Variants in CLEC9A observed in about 807,000 individuals in gnomAD.
The protein encoded by CLEC9A is C-type lectin domain containing 9A.
CLEC9A carries 24 observed loss-of-function variants against 30.0 expected under a neutral mutation model. That is an observed-to-expected ratio of 0.80 (90% CI 0.58 to 1.13). The LOEUF is 1.13. Among genes scored for constraint, CLEC9A ranks in the 50% most tolerant of loss-of-function variants. The pLI, the probability that CLEC9A is intolerant of heterozygous loss-of-function variation, is 0.00. For synonymous variants in CLEC9A, 111 were observed against 96.8 expected (o/e 1.15, Z -0.86); for missense variants, 251 against 280.9 (o/e 0.89, Z 0.76).
At chr12:10,050,035 G>T (rs1306840006) in intron 2 of CLEC9A, among the ~76,000 whole-genome samples, 3 of 152,072 alleles carry the variant, frequency 2.0e-5, no homozygotes, top group African/African-American at 7.2e-5. Flanking sequence ...ATTATTAATT[G>T]ACCTATTTTT....
chr12:10,052,962 T>A (rs1222405185), intron 4 of CLEC9A, 184 bp downstream of exon 4: 1 of 572,200 alleles, frequency 1.7e-6, no homozygotes. Context: ...AAGAGAGCAA[T>A]ACACGTGATA....
chr12:10,040,946 TC>T, intron 1 of CLEC9A: 1 of 195,818 alleles, frequency 5.1e-6, no homozygotes, highest in Non-Finnish European at 1.1e-5. Context: ...AATAAAACAA[TC>T]AGAACAAAAG....
intron 4 of CLEC9A, among the ~76,000 whole-genome samples, chr12:10,053,787 A>C (rs1865916126): frequency 6.6e-6 from 1 of 152,160 alleles, no homozygotes; most frequent in Non-Finnish European, 1.5e-5. Context: ...TTACCTTGGA[A>C]AACTTGTTCG....
At chr12:10,050,090 G>C (rs1249974050) in intron 2 of CLEC9A, among the ~76,000 whole-genome samples, 1 of 152,134 alleles carries the variant, frequency 6.6e-6, no homozygotes, top group African/African-American at 2.4e-5. Context: ...CAAGGAAAAG[G>C]TACAGAGATG....
chr12:10,064,434 G>T (rs1054520831), intron 7 of CLEC9A, among the ~76,000 whole-genome samples: 2 of 152,082 alleles, frequency 1.3e-5, no homozygotes, highest in African/African-American at 4.8e-5. Flanking sequence ...GATAACGAAG[G>T]TTCAGTATAA....
At chr12:10,063,490 G>A (rs957945480) in intron 7 of CLEC9A, among the ~76,000 whole-genome samples, 1 of 152,134 alleles carries the variant, frequency 6.6e-6, no homozygotes, top group Non-Finnish European at 1.5e-5. Context: ...CTATTTTGTA[G>A]CATGATAATC....
At chr12:10,039,900 G>A (rs142898895) in intron 1 of CLEC9A, among the ~76,000 whole-genome samples, 1 of 152,008 alleles carries the variant, frequency 6.6e-6, no homozygotes, top group African/African-American at 2.4e-5. Flanking sequence ...TTGGCTCACT[G>A]CAAACTCTAC....
chr12:10,061,050 G>C, intron 5 of CLEC9A, 77 bp from the exon 6 acceptor site: 6 of 1,484,618 alleles, frequency 4.0e-6, no homozygotes, highest in Non-Finnish European at 5.4e-6. Context: ...ATTTGTACTT[G>C]TCTTTAGTCT....
At chr12:10,037,821 T>A (rs1865756409) in intron 1 of CLEC9A, among the ~76,000 whole-genome samples, 2 of 152,182 alleles carry the variant, frequency 1.3e-5, no homozygotes, top group South Asian at 2.1e-4. Flanking sequence ...AGGACAAAAA[T>A]TTTATTATCA....
At chr12:10,037,646 G>A (rs1000437511) in intron 1 of CLEC9A, among the ~76,000 whole-genome samples, 7 of 152,176 alleles carry the variant, frequency 4.6e-5, no homozygotes, top group African/African-American at 1.4e-4. Flanking sequence ...CAAACACGGG[G>A]AGACCGTGCA....
chr12:10,056,379 A>T (rs998384770), intron 5 of CLEC9A, among the ~76,000 whole-genome samples: 3 of 152,192 alleles, frequency 2.0e-5, no homozygotes, highest in Non-Finnish European at 1.5e-5. Context: ...ACCTTGAAGC[A>T]AGAACAACAA....
intron 2 of CLEC9A, among the ~76,000 whole-genome samples, chr12:10,048,162 A>G (rs891574915): frequency 2.0e-5 from 3 of 150,216 alleles, no homozygotes; most frequent in East Asian, 1.9e-4. Flanking sequence ...GAACCCGGGA[A>G]GCGGAGCTTG....
chr12:10,034,830 C>A (rs1011117098), intron 1 of CLEC9A, among the ~76,000 whole-genome samples: 1 of 152,156 alleles, frequency 6.6e-6, no homozygotes, highest in African/African-American at 2.4e-5. Context: ...TTACAGGGTG[C>A]TCTTTTAGTT....
At chr12:10,055,931 C>T (rs1865938658) in intron 5 of CLEC9A, among the ~76,000 whole-genome samples, 1 of 151,040 alleles carries the variant, frequency 6.6e-6, no homozygotes, top group South Asian at 2.1e-4. Flanking sequence ...TGGTGGGGTG[C>T]GCCTGTAATC....
At chr12:10,044,989 T>C (rs1332908187) in intron 2 of CLEC9A, among the ~76,000 whole-genome samples, 2 of 152,234 alleles carry the variant, frequency 1.3e-5, no homozygotes, top group Non-Finnish European at 2.9e-5. Flanking sequence ...TACAGCATGC[T>C]GTCTTAGATC....
At position 10,065,623 on chromosome 12, in the gene CLEC9A, C is replaced by T; in HGVS notation, c.717C>T (p.Ser239=). The change falls in exon 9 of 9, where the codon TCC becomes TCT. Residue 239 remains serine, a synonymous_variant. Transcript: ENST00000355819. ...YFICEKYALR[S]SV is the part of the protein sequence containing the mutation. ...TCTGTGAGAAGTATGCGTTGAGATC[C>T]TCTGTCTGAAAGAAATTGTGTTCAA... 6.2e-7 allele frequency: 1 copy of T among 1,613,642 alleles called. No homozygotes were observed. The highest frequency in any genetic ancestry group is 8.5e-7 in the Non-Finnish European group (1 of 1,179,730).
chr12:10,053,841 T>C (rs1865916650), intron 4 of CLEC9A, among the ~76,000 whole-genome samples: 1 of 152,216 alleles, frequency 6.6e-6, no homozygotes. Context: ...TTAAAATGTG[T>C]ATCTTTCTTT....
Position 10,052,635 on chromosome 12 carries a change from T to G in CLEC9A, c.-53T>G, listed in dbSNP as rs149025856. 1.5e-4 allele frequency: 232 copies of G among 1,597,444 alleles called. No individual in the cohort carries two copies. In the Middle Eastern group the frequency reaches 1.7e-3, roughly 12 times the overall value. On this transcript the variant is annotated 5_prime_UTR_variant, in exon 4 of 9. Transcript: ENST00000355819. ...AACCTGCTCCAAACCACAAGAGGAG[T>G]TACTTGTTCCAGCCTCCTGTGTGGA...
At chr12:10,058,862 T>C (rs1170662464) in intron 5 of CLEC9A, among the ~76,000 whole-genome samples, 2 of 152,126 alleles carry the variant, frequency 1.3e-5, no homozygotes, top group African/African-American at 2.4e-5. Flanking sequence ...GTCAGATGAT[T>C]TTTCTGTGTG....
Sources: allele counts gnomAD v4.1 joint callset (sites outside exome capture counted in the v4.1 genomes callset), GRCh38; gene constraint gnomAD v4.1.1; transcripts MANE v1.5; gene names NCBI Gene and HGNC (gene_info 2026-07-23, HGNC 2026-07-21).